Variants in USP32 observed in about 807,000 individuals in gnomAD.
USP32 encodes the protein ubiquitin specific peptidase 32.
USP32 carries 59 observed loss-of-function variants against 204.8 expected under a neutral mutation model. That is an observed-to-expected ratio of 0.29 (90% CI 0.23 to 0.36). The LOEUF is 0.36. Among genes scored for constraint, USP32 ranks in the 10% least tolerant of loss-of-function variants. The pLI, the probability that USP32 is intolerant of heterozygous loss-of-function variation, is 1.00. For synonymous variants in USP32, 517 were observed against 678.4 expected (o/e 0.76, Z 3.70); for missense variants, 1,160 against 1,946.4 (o/e 0.60, Z 7.60).
chr17:60,324,896 A>G (rs925341168), intron 2 of USP32, among the ~76,000 whole-genome samples: 4 of 152,054 alleles, frequency 2.6e-5, no homozygotes, highest in African/African-American at 9.7e-5. Flanking sequence ...CCAGCTACTC[A>G]GGAGGCTGAG....
chr17:60,208,947 C>T (rs1341716608), intron 22 of USP32, 119 bp from the exon 23 acceptor site: 5 of 977,942 alleles, frequency 5.1e-6, no homozygotes, highest in Non-Finnish European at 7.1e-6. Flanking sequence ...AATCCTTACT[C>T]TTCATTTAAC....
chr17:60,179,294 G>A lies in USP32; in HGVS notation c.4776C>T (p.Asp1592=), dbSNP rs2084039634. Residue 1592 remains aspartate (D), a synonymous_variant, in exon 34 of 34, where the codon GAC becomes GAT. Transcript: ENST00000300896. ...KMADTSSMDE[D]FESDYKKYCV... is the part of the protein sequence containing the mutation. ...AGTACTTTTTGTAATCAGACTCAAA[G>A]TCTTCATCCATACTGCTTGTGTCTG... 1 of 1,613,792 alleles carries A rather than the reference G, an allele frequency of 6.2e-7. No homozygotes were observed. Among genetic ancestry groups the A allele is most frequent in the South Asian group, 1.1e-5 (1 of 91,074 alleles).
chr17:60,295,637 T>C (rs1031325217), intron 3 of USP32, among the ~76,000 whole-genome samples: 1 of 152,190 alleles, frequency 6.6e-6, no homozygotes. Flanking sequence ...AGTCACTTAG[T>C]GGCCATTTTG....
At chr17:60,212,170 TTA>T in intron 18 of USP32, 72 bp from the exon 19 acceptor site, 4 of 1,286,200 alleles carry the variant, frequency 3.1e-6, no homozygotes, top group Admixed American at 2.3e-5. Context: ...CTTTTTTTTT[TTA>T]AAGACATCTT....
chr17:60,244,166 G>C (rs1380132018), intron 11 of USP32, among the ~76,000 whole-genome samples: 1 of 150,430 alleles, frequency 6.6e-6, no homozygotes, highest in African/African-American at 2.4e-5. Flanking sequence ...CTCCCGAGTA[G>C]CTGGGACTAT....
At chr17:60,229,480 G>A (rs1337817973) in intron 12 of USP32, among the ~76,000 whole-genome samples, 1 of 152,192 alleles carries the variant, frequency 6.6e-6, no homozygotes, top group East Asian at 1.9e-4. Context: ...CTTAGAAATT[G>A]ACTTGTTATT....
chr17:60,388,060 T>C (rs1303258318), intron 1 of USP32, among the ~76,000 whole-genome samples: 1 of 152,096 alleles, frequency 6.6e-6, no homozygotes, highest in Non-Finnish European at 1.5e-5. Flanking sequence ...ATTTCCTTAG[T>C]GCCTAATTCA....
chr17:60,341,018 A>G (rs2088645315), intron 2 of USP32, among the ~76,000 whole-genome samples: 1 of 152,138 alleles, frequency 6.6e-6, no homozygotes, highest in Non-Finnish European at 1.5e-5. Flanking sequence ...TCTGGCTTGT[A>G]GGGCTTTTGC....
chr17:60,388,568 T>C (rs1183884860), intron 1 of USP32, among the ~76,000 whole-genome samples: 2 of 152,166 alleles, frequency 1.3e-5, no homozygotes, highest in Non-Finnish European at 2.9e-5. Flanking sequence ...AGATGAAGAA[T>C]GTGCTGCTCA....
chr17:60,306,068 C>G (rs1387833073), intron 2 of USP32, among the ~76,000 whole-genome samples: 1 of 151,384 alleles, frequency 6.6e-6, no homozygotes, highest in East Asian at 1.9e-4. Context: ...GTCTAAGTAC[C>G]CTTTTTTCAC....
At chr17:60,326,108 C>G (rs191830648) in intron 2 of USP32, among the ~76,000 whole-genome samples, 1 of 151,886 alleles carries the variant, frequency 6.6e-6, no homozygotes, top group Admixed American at 6.6e-5. Flanking sequence ...CTTGTTTTCA[C>G]TAACTCTTTT....
rs9898448 is a variant in USP32, at chr17:60,349,596, A to T, written c.59-3988T>A. Reference sequence around the variant, plus strand: ...CTCAAAAGAAAAAAAAAAAAAAAAAAATATATATATATATATATATATATA... The same window carrying T: ...CTCAAAAGAAAAAAAAAAAAAAAAATATATATATATATATATATATATATA... On this transcript the variant is annotated intron_variant, in intron 1 of 33. Transcript: ENST00000300896. Among the ~76,000 whole-genome samples the T allele has an allele frequency of 7.9e-3, 513 of 65,088 alleles. 7 individuals carry two copies. The highest frequency in any genetic ancestry group is 0.031 in the East Asian group (54 of 1,718). 42.7% of individuals were successfully genotyped at this position (65,088 alleles called of 152,430 possible). A position where few individuals can be genotyped will look rare whatever the true frequency, so the allele number is the denominator to read the frequency against.
intron 9 of USP32, among the ~76,000 whole-genome samples, chr17:60,262,277 C>T (rs1318432529): frequency 6.6e-6 from 1 of 152,142 alleles, no homozygotes; most frequent in Non-Finnish European, 1.5e-5. Flanking sequence ...CTGCAACCTC[C>T]GCCTCCCAGG....
chr17:60,267,629 T>G (rs1048320352), intron 7 of USP32, among the ~76,000 whole-genome samples: 2 of 151,966 alleles, frequency 1.3e-5, no homozygotes, highest in Admixed American at 1.3e-4. Flanking sequence ...GAAGCGATTC[T>G]CCTGCCTCAG....
At chr17:60,363,445 ACT>A (rs1392463667) in intron 1 of USP32, among the ~76,000 whole-genome samples, 6 of 122,340 alleles carry the variant, frequency 4.9e-5, no homozygotes, top group African/African-American at 6.6e-5. Context: ...ACAGAGCGAG[ACT>A]CTGTCTCAAA....
chr17:60,371,159 CAGG>C (rs1205244721), intron 1 of USP32, among the ~76,000 whole-genome samples: 1 of 148,962 alleles, frequency 6.7e-6, no homozygotes, highest in Non-Finnish European at 1.5e-5. Context: ...GAGGCAGAGG[CAGG>C]AGGATTGCTT....
intron 3 of USP32, among the ~76,000 whole-genome samples, chr17:60,300,018 A>T (rs1366415468): frequency 6.6e-6 from 1 of 152,202 alleles, no homozygotes; most frequent in Non-Finnish European, 1.5e-5. Flanking sequence ...CCATCCCCTA[A>T]TACCATCACC....
upstream of USP32, among the ~76,000 whole-genome samples, chr17:60,394,096 AG>A (rs1438261654): frequency 6.6e-6 from 1 of 152,236 alleles, no homozygotes; most frequent in African/African-American, 2.4e-5. Context: ...TTAAGACCTC[AG>A]ATTAGCTGCA....
At chr17:60,328,912 C>G (rs919149844) in intron 2 of USP32, among the ~76,000 whole-genome samples, 1 of 152,196 alleles carries the variant, frequency 6.6e-6, no homozygotes, top group Non-Finnish European at 1.5e-5. Flanking sequence ...GTACCCCACT[C>G]TAGCTCACAC....
Sources: allele counts gnomAD v4.1 joint callset (sites outside exome capture counted in the v4.1 genomes callset), GRCh38; gene constraint gnomAD v4.1.1; transcripts MANE v1.5; gene names NCBI Gene and HGNC (gene_info 2026-07-23, HGNC 2026-07-21).